PLEKHA5: variants seen among roughly 807,000 people sequenced by gnomAD.
PLEKHA5 encodes pleckstrin homology domain-containing family A member 5.
In PLEKHA5, 55 loss-of-function variants were observed where a neutral mutation model predicts 181.9. The observed-to-expected ratio is 0.30, with a 90% CI of 0.24 to 0.38. The LOEUF is 0.38. Ranked by LOEUF, PLEKHA5 falls within the 10% of genes least tolerant of loss-of-function variation. PLEKHA5 has a pLI of 1.00. For synonymous variants in PLEKHA5, 535 were observed against 529.4 expected (o/e 1.01, Z -0.15); for missense variants, 1,432 against 1,549.5 (o/e 0.92, Z 1.27).
chr12:19,235,903 T>C (rs1246991634), intron 3 of PLEKHA5, among the ~76,000 whole-genome samples: 1 of 152,196 alleles, frequency 6.6e-6, no homozygotes, highest in Admixed American at 6.5e-5. Context: ...GGTACAAATA[T>C]ACATTGTTAC....
intron 3 of PLEKHA5, among the ~76,000 whole-genome samples, chr12:19,181,952 A>G (rs1273923381): frequency 6.6e-6 from 1 of 152,154 alleles, no homozygotes; most frequent in East Asian, 1.9e-4. Flanking sequence ...GATCTGGGTG[A>G]GCTCAAAGAT....
intron 3 of PLEKHA5, among the ~76,000 whole-genome samples, chr12:19,199,990 G>A (rs1291710354): frequency 6.6e-6 from 1 of 152,052 alleles, no homozygotes; most frequent in Non-Finnish European, 1.5e-5. Context: ...AGGGGGAAGG[G>A]GAGCTGGAGA....
At chr12:19,189,388 A>G (rs2050562930) in intron 3 of PLEKHA5, among the ~76,000 whole-genome samples, 2 of 152,226 alleles carry the variant, frequency 1.3e-5, no homozygotes, top group Admixed American at 1.3e-4. Context: ...AGACCATTTG[A>G]AGTGGAGATT....
At chr12:19,198,647 G>A (rs1299860877) in intron 3 of PLEKHA5, among the ~76,000 whole-genome samples, 2 of 152,006 alleles carry the variant, frequency 1.3e-5, no homozygotes, top group South Asian at 2.1e-4. Context: ...AGATATTTGT[G>A]GAATGAATGA....
intron 22 of PLEKHA5, 46 bp from the exon 23 acceptor site, chr12:19,345,796 A>G (rs1475189548): frequency 1.1e-6 from 1 of 922,950 alleles, no homozygotes; most frequent in South Asian, 1.5e-5. Flanking sequence ...TTTTTATAGT[A>G]TTAGAAAGAT....
At chr12:19,216,759 G>T (rs10841183) in intron 3 of PLEKHA5, among the ~76,000 whole-genome samples, 127,329 of 151,708 alleles carry the variant, frequency 0.84, 54,852 homozygotes, top group Non-Finnish European at 0.95. Context: ...TATTAGGACA[G>T]GGAGAAAATG....
At chr12:19,268,261 A>G (rs543967495) in intron 8 of PLEKHA5, among the ~76,000 whole-genome samples, 63 of 152,334 alleles carry the variant, frequency 4.1e-4, no homozygotes, top group African/African-American at 1.4e-3. Context: ...TGATATTAGC[A>G]CTATTATTAG....
At chr12:19,183,535 T>C (rs2049087768) in intron 3 of PLEKHA5, among the ~76,000 whole-genome samples, 1 of 152,084 alleles carries the variant, frequency 6.6e-6, no homozygotes, top group Admixed American at 6.6e-5. Flanking sequence ...CAAACCAAAA[T>C]TCAGATTGTA....
At chr12:19,278,672 C>T (rs2075266866) in intron 11 of PLEKHA5, among the ~76,000 whole-genome samples, 3 of 151,894 alleles carry the variant, frequency 2.0e-5, no homozygotes. Flanking sequence ...TTCTGGCTTT[C>T]GTGTGATAGG....
intron 3 of PLEKHA5, among the ~76,000 whole-genome samples, chr12:19,206,641 G>A (rs1477132808): frequency 6.6e-6 from 1 of 152,088 alleles, no homozygotes; most frequent in Non-Finnish European, 1.5e-5. Context: ...AGGCAATTAT[G>A]TGAGGCTTTC....
At chr12:19,254,091 T>C in intron 4 of PLEKHA5, 68 bp downstream of exon 4, 1 of 904,522 alleles carries the variant, frequency 1.1e-6, no homozygotes, top group Non-Finnish European at 1.8e-6. Flanking sequence ...CTGTTATTTA[T>C]ATTTCAATTT....
chr12:19,352,198 AC>A (rs2094633699), intron 25 of PLEKHA5, among the ~76,000 whole-genome samples: 1 of 151,918 alleles, frequency 6.6e-6, no homozygotes, highest in African/African-American at 2.4e-5. Context: ...AGCCTGGACA[AC>A]GTGGCAAGAT....
intron 25 of PLEKHA5, among the ~76,000 whole-genome samples, chr12:19,352,953 T>G (rs1442675749): frequency 6.6e-6 from 1 of 150,982 alleles, no homozygotes; most frequent in Non-Finnish European, 1.5e-5. Flanking sequence ...CAGCTTTTTT[T>G]TTTTTTTCAA....
chr12:19,144,824 G>C (rs1006574946), intron 3 of PLEKHA5, among the ~76,000 whole-genome samples: 2 of 152,176 alleles, frequency 1.3e-5, no homozygotes, highest in Non-Finnish European at 2.9e-5. Flanking sequence ...TTATCATAAA[G>C]TCAGAGACTT....
intron 3 of PLEKHA5, among the ~76,000 whole-genome samples, chr12:19,163,731 T>C (rs2043553947): frequency 6.6e-6 from 1 of 152,158 alleles, no homozygotes; most frequent in Non-Finnish European, 1.5e-5. Flanking sequence ...AAATAACTCA[T>C]TTGGGACCAT....
At position 19,283,675 on chromosome 12, in the gene PLEKHA5, C is replaced by G; in HGVS notation, c.1709C>G (p.Ser570Trp). Residue 570 changes from serine (S) to tryptophan (W), a missense_variant, in exon 12 of 32, where the codon TCG becomes TGG. Ser to Trp is a radical substitution (Grantham distance 177). Coordinates refer to ENST00000429027, the MANE Select transcript of PLEKHA5 (RefSeq NM_001256470.2). ...QGYSPQRTYR[S>W]EVSSPIQRGD... is the part of the protein sequence containing the mutation. The stretch of plus-strand genomic sequence containing the variant: ...TACTCCCCTCAACGAACTTACAGAT[C>G]GGAAGTGTCTTCACCAATTCAGAGA... The G allele has an allele frequency of 3.7e-6, 6 of 1,614,054 alleles. No homozygotes were observed. The highest frequency in any genetic ancestry group is 5.1e-6 in the Non-Finnish European group (6 of 1,179,978).
At chr12:19,214,028 A>G (rs2057469373) in intron 3 of PLEKHA5, among the ~76,000 whole-genome samples, 1 of 152,234 alleles carries the variant, frequency 6.6e-6, no homozygotes, top group Admixed American at 6.5e-5. Flanking sequence ...TTTAGTTAAA[A>G]CATCAATATT....
intron 21 of PLEKHA5, among the ~76,000 whole-genome samples, chr12:19,337,527 C>T (rs1473127750): frequency 2.3e-5 from 3 of 128,174 alleles, no homozygotes; most frequent in South Asian, 2.4e-4. Context: ...CCAGCCTGAG[C>T]GACAGAGCGA....
chr12:19,281,427 A>C (rs556162978), intron 11 of PLEKHA5, among the ~76,000 whole-genome samples: 2 of 151,830 alleles, frequency 1.3e-5, no homozygotes, highest in Non-Finnish European at 2.9e-5. Context: ...AGTACAAAAA[A>C]TTAGCTGGGC....
Sources: allele counts gnomAD v4.1 joint callset (sites outside exome capture counted in the v4.1 genomes callset), GRCh38; gene constraint gnomAD v4.1.1; transcripts MANE v1.5; gene names NCBI Gene and HGNC (gene_info 2026-07-23, HGNC 2026-07-21).